CADPS2: variants seen among roughly 807,000 people sequenced by gnomAD.
The protein encoded by CADPS2 is calcium dependent secretion activator 2, also known as calcium-dependent secretion activator 2.
A neutral mutation model predicts 172.5 loss-of-function variants in CADPS2; 93 were observed. The observed-to-expected ratio is 0.54, with a 90% CI of 0.46 to 0.64. The LOEUF is 0.64. Among genes scored for constraint, CADPS2 ranks in the 30% least tolerant of loss-of-function variants. The pLI is 0.00. For missense variants in CADPS2, 1,420 were observed against 1,565.9 expected, an observed-to-expected ratio of 0.91 and a Z score of 1.57; for synonymous variants, 546 against 555.2, an observed-to-expected ratio of 0.98 and a Z score of 0.23.
chr7:122,399,876 C>T (rs983671507), intron 20 of CADPS2, among the ~76,000 whole-genome samples: 1 of 148,646 alleles, frequency 6.7e-6, no homozygotes. Context: ...TTAGTAGAGA[C>T]GGGGTTTCAC....
chr7:122,877,949 C>T (rs897407645), intron 1 of CADPS2, among the ~76,000 whole-genome samples: 3 of 152,018 alleles, frequency 2.0e-5, no homozygotes, highest in African/African-American at 7.2e-5. Flanking sequence ...AAGTCCAGGC[C>T]CTCTGAAGCC....
At chr7:122,571,087 AAAAGT>A (rs2067197680) in intron 7 of CADPS2, among the ~76,000 whole-genome samples, 1 of 152,136 alleles carries the variant, frequency 6.6e-6, no homozygotes, top group Non-Finnish European at 1.5e-5. Flanking sequence ...AGACTGAGAG[AAAAGT>A]ATTTATATCA....
chr7:122,410,359 C>A (rs188007693), intron 19 of CADPS2, among the ~76,000 whole-genome samples: 1 of 149,768 alleles, frequency 6.7e-6, no homozygotes, highest in African/African-American at 2.5e-5. Context: ...AAACAAAAAA[C>A]AAAAACAAAA....
intron 1 of CADPS2, among the ~76,000 whole-genome samples, chr7:122,817,059 C>T (rs1393229199): frequency 6.6e-6 from 1 of 151,694 alleles, no homozygotes; most frequent in African/African-American, 2.4e-5. Context: ...CGGCCCCACC[C>T]ATATCTCCCT....
intron 28 of CADPS2, among the ~76,000 whole-genome samples, chr7:122,341,476 C>T (rs1411400302): frequency 1.3e-5 from 2 of 152,196 alleles, no homozygotes; most frequent in East Asian, 3.8e-4. Context: ...TAAACTGAGT[C>T]TTACACAGAT....
At chr7:122,324,472 T>C (rs959359125) in intron 29 of CADPS2, among the ~76,000 whole-genome samples, 1 of 152,150 alleles carries the variant, frequency 6.6e-6, no homozygotes, top group Non-Finnish European at 1.5e-5. Flanking sequence ...AATCTATAGA[T>C]TACTGGGTTC....
chr7:122,794,751 T>TA lies in CADPS2; in HGVS notation c.340-57684_340-57683insT, dbSNP rs1465569890. Among the ~76,000 whole-genome samples the TA allele has an allele frequency of 8.5e-4, 125 of 146,776 alleles. No homozygotes were observed. The South Asian group carries it at 8.6e-3, about 10-fold the overall frequency. ...CCTCAGCAAAAGAACTGAAATCATTTTAAAAAAAAAAAAAAACCCTTTCTG... is the reference window on the plus strand; with the variant it reads ...CCTCAGCAAAAGAACTGAAATCATTTATAAAAAAAAAAAAAAACCCTTTCTG... On this transcript the variant is annotated intron_variant, in intron 1 of 29. Transcript: ENST00000449022.
At chr7:122,854,175 C>A (rs572441227) in intron 1 of CADPS2, among the ~76,000 whole-genome samples, 13 of 152,048 alleles carry the variant, frequency 8.5e-5, no homozygotes, top group African/African-American at 3.1e-4. Flanking sequence ...GCCTAGGTAA[C>A]GTGGCGAAAC....
intron 6 of CADPS2, among the ~76,000 whole-genome samples, chr7:122,589,131 C>G (rs922593841): frequency 2.6e-5 from 4 of 151,882 alleles, no homozygotes; most frequent in Non-Finnish European, 5.9e-5. Context: ...CACATAATGG[C>G]CACATATACT....
intron 25 of CADPS2, among the ~76,000 whole-genome samples, chr7:122,362,882 C>A (rs1422540349): frequency 6.6e-6 from 1 of 152,134 alleles, no homozygotes; most frequent in Non-Finnish European, 1.5e-5. Flanking sequence ...ACAAAAACTT[C>A]CCTATAGGTT....
At chr7:122,368,056 T>C (rs1179388632) in intron 25 of CADPS2, 3 of 152,268 alleles carry the variant, frequency 2.0e-5, no homozygotes, top group Non-Finnish European at 2.9e-5. Context: ...ACCTGAATAA[T>C]TGTTATCTCA....
rs1348318758 is a variant in CADPS2 at position 122,734,361 on chromosome 7, AAAAAAAAAAAAAAAAAAAAAAAAAAG to A, written c.453+2568_453+2593del. ...CGATAGCATGCCAGAAATAGTAAAA[AAAAAAAAAAAAAAAAAAAAAAAAAAG>A]AAAAAAAAAAAAGAAAATCTGGATT... On this transcript the variant is annotated intron_variant, in intron 2 of 29. Transcript: ENST00000449022. Among the ~76,000 whole-genome samples the A allele has an allele frequency of 1.1e-4, 9 of 84,594 alleles. No homozygotes were observed. In the East Asian group the frequency reaches 1.6e-3, roughly 15 times the overall value. The allele number at this position is 84,594 out of a possible 152,430, so 55.5% of individuals were successfully genotyped here.
intron 11 of CADPS2, 68 bp from the exon 12 acceptor site, chr7:122,480,928 A>G (rs1393552612): frequency 1.0e-5 from 12 of 1,158,496 alleles, no homozygotes; most frequent in Non-Finnish European, 1.4e-5. Flanking sequence ...TACTTATACA[A>G]CTAGACATTT....
rs141515025 is a variant in CADPS2 at position 122,359,838 on chromosome 7, C to T, written c.3504+950G>A. The stretch of plus-strand genomic sequence containing the variant: ...CATGCAAAGGTAGAAAAGTCCAGGG[C>T]CTTCTCATTTAAAATACTCATTTAT... On this transcript the variant is annotated intron_variant, in intron 27 of 29. Transcript: ENST00000449022. Among the ~76,000 whole-genome samples the T allele has an allele frequency of 8.1e-4, 123 of 152,184 alleles. 1 individual carries two copies. The East Asian group carries it at 0.022, about 28-fold the overall frequency.
intron 25 of CADPS2, among the ~76,000 whole-genome samples, chr7:122,362,997 CT>C (rs770697150): frequency 6.6e-6 from 1 of 152,118 alleles, no homozygotes; most frequent in Non-Finnish European, 1.5e-5. Context: ...ATAACGTATG[CT>C]TGGGTAGCTA....
chr7:122,628,117 T>G (rs2076249357), intron 4 of CADPS2, among the ~76,000 whole-genome samples: 1 of 152,140 alleles, frequency 6.6e-6, no homozygotes, highest in African/African-American at 2.4e-5. Flanking sequence ...TTCTTACAAC[T>G]TACTGTCATT....
At chr7:122,706,766 A>C (rs2087606660) in intron 2 of CADPS2, among the ~76,000 whole-genome samples, 1 of 148,486 alleles carries the variant, frequency 6.7e-6, no homozygotes, top group South Asian at 2.1e-4. Flanking sequence ...TATATATAAA[A>C]TGTATGTGTG....
At position 122,779,972 on chromosome 7, in the gene CADPS2, T is replaced by TA. The variant is rs758624639; in HGVS notation, c.340-42905dup. ...CTTATTCTCTCTGTTGCAGAAATGC[T>TA]AAAAAATTCCTCAAAGTCTCAGGCT... On this transcript the variant is annotated intron_variant, in intron 1 of 29. Coordinates refer to ENST00000449022, the MANE Select transcript of CADPS2 (RefSeq NM_017954.11). Among the ~76,000 whole-genome samples, 9 of 152,248 alleles carry TA rather than the reference T, an allele frequency of 5.9e-5. No individual in the cohort carries two copies. In the South Asian group the frequency reaches 1.2e-3, roughly 21 times the overall value.
rs551754304 is a variant in CADPS2 at position 122,836,037 on chromosome 7, G to A, written c.339+49962C>T. On this transcript the variant is annotated intron_variant, in intron 1 of 29. Coordinates refer to ENST00000449022, the MANE Select transcript of CADPS2 (RefSeq NM_017954.11). ...TTAAGGGCAGCCAGAGAGAAAGGTC[G>A]GGTTACCCACAAAGGGAAGCACATC... Among the ~76,000 whole-genome samples the A allele has an allele frequency of 5.9e-4, 90 of 152,246 alleles. 1 individual carries two copies. Among genetic ancestry groups the A allele is most frequent in the African/African-American group, 1.9e-3 (80 of 41,538 alleles).
Sources: allele counts gnomAD v4.1 joint callset (sites outside exome capture counted in the v4.1 genomes callset), GRCh38; gene constraint gnomAD v4.1.1; transcripts MANE v1.5; gene names NCBI Gene and HGNC (gene_info 2026-07-23, HGNC 2026-07-21).